The following SLC24A2 variants were observed in gnomAD, a reference collection of about 807,000 sequenced individuals.
The protein encoded by SLC24A2 is sodium/potassium/calcium exchanger 2.
Under a neutral mutation model 62.0 loss-of-function variants are expected in SLC24A2, and 36 were observed. The observed-to-expected ratio is 0.58, with a 90% CI of 0.44 to 0.77. The LOEUF (loss-of-function observed/expected upper bound fraction) is 0.77, where lower values mean the gene tolerates loss of function less well. Among genes scored for constraint, SLC24A2 ranks in the 30% least tolerant of loss-of-function variants. SLC24A2 has a pLI of 0.00. For synonymous variants in SLC24A2, 358 were observed against 294.0 expected, an observed-to-expected ratio of 1.22 and a Z score of -2.23; for missense variants, 846 against 817.9, an observed-to-expected ratio of 1.03 and a Z score of -0.42.
chr9:20,137,721 T>G, the SLC24A2 span, among the ~76,000 whole-genome samples: 1 of 152,314 alleles, frequency 6.6e-6, no homozygotes, highest in African/African-American at 2.4e-5. Context: ...TTTAGGCTAT[T>G]TTTAGAGCTA....
At chr9:20,097,462 G>A in the SLC24A2 span, among the ~76,000 whole-genome samples, 2 of 152,206 alleles carry the variant, frequency 1.3e-5, no homozygotes, top group East Asian at 3.9e-4. Flanking sequence ...GTAGTTGGAT[G>A]TTGGGAGTCA....
At chr9:20,041,278 T>C in the SLC24A2 span, among the ~76,000 whole-genome samples, 1 of 152,240 alleles carries the variant, frequency 6.6e-6, no homozygotes, top group Admixed American at 6.5e-5. Context: ...TCCAGTGTAA[T>C]CTATGCACAT....
chr9:19,991,394 G>A, the SLC24A2 span, among the ~76,000 whole-genome samples: 1 of 152,138 alleles, frequency 6.6e-6, no homozygotes, highest in African/African-American at 2.4e-5. Flanking sequence ...TTTTATCCTA[G>A]CTGCTGATTA....
intron 2 of SLC24A2, among the ~76,000 whole-genome samples, chr9:19,651,898 T>C (rs770049901): frequency 3.9e-5 from 6 of 152,166 alleles, no homozygotes; most frequent in Non-Finnish European, 8.8e-5. Flanking sequence ...TCAGTTTTCA[T>C]TCCTAGTTTC....
chr9:20,176,555 G>A, the SLC24A2 span, among the ~76,000 whole-genome samples: 1 of 152,048 alleles, frequency 6.6e-6, no homozygotes, highest in Non-Finnish European at 1.5e-5. Context: ...AAAGGGACTG[G>A]AAACAGCAAT....
At chr9:20,278,962 C>A in the SLC24A2 span, among the ~76,000 whole-genome samples, 2 of 152,144 alleles carry the variant, frequency 1.3e-5, no homozygotes. Context: ...CCTCAAGGCA[C>A]TTACAATCAT....
chr9:20,266,340 A>G, the SLC24A2 span, among the ~76,000 whole-genome samples: 7 of 152,082 alleles, frequency 4.6e-5, no homozygotes, highest in African/African-American at 1.7e-4. Flanking sequence ...TTATTTCTCT[A>G]AACGGCTGAT....
the SLC24A2 span, among the ~76,000 whole-genome samples, chr9:20,058,484 G>A: frequency 8.6e-6 from 1 of 116,370 alleles, no homozygotes; most frequent in African/African-American, 3.9e-5. Context: ...ACAAACCCAT[G>A]CCCTTCATAC....
chr9:19,828,554 A>G, the SLC24A2 span, among the ~76,000 whole-genome samples: 2 of 152,224 alleles, frequency 1.3e-5, no homozygotes, highest in African/African-American at 2.4e-5. Context: ...GTACTCTGTG[A>G]GTAAATTCAT....
chr9:19,664,975 C>T (rs554936909), intron 2 of SLC24A2, among the ~76,000 whole-genome samples: 12 of 152,252 alleles, frequency 7.9e-5, no homozygotes, highest in African/African-American at 1.4e-4. Context: ...TAGTTTGTTT[C>T]GGCAGCCCTA....
chr9:19,702,303 G>A (rs1820378827), intron 2 of SLC24A2, among the ~76,000 whole-genome samples: 1 of 152,150 alleles, frequency 6.6e-6, no homozygotes, highest in East Asian at 1.9e-4. Context: ...GAAGAATAAT[G>A]TCTTATGCAA....
chr9:19,812,314 T>A, the SLC24A2 span, among the ~76,000 whole-genome samples: 1 of 152,138 alleles, frequency 6.6e-6, no homozygotes, highest in African/African-American at 2.4e-5. Flanking sequence ...AAATTTATGT[T>A]AAACTTTGTA....
At chr9:19,829,806 TATATACACACAC>T in the SLC24A2 span, among the ~76,000 whole-genome samples, 3,960 of 111,522 alleles carry the variant, frequency 0.036, 191 homozygotes, top group African/African-American at 0.12. Flanking sequence ...TGTATATATA[TATATACACACAC>T]ACACACACAC....
intron 2 of SLC24A2, among the ~76,000 whole-genome samples, chr9:19,646,486 A>T (rs1264715907): frequency 2.0e-5 from 3 of 152,158 alleles, no homozygotes; most frequent in African/African-American, 7.2e-5. Flanking sequence ...TCAAAATATC[A>T]GTGCTGTCAG....
chr9:20,159,859 G>A, the SLC24A2 span, among the ~76,000 whole-genome samples: 1 of 151,442 alleles, frequency 6.6e-6, no homozygotes, highest in Admixed American at 6.6e-5. Flanking sequence ...AATATACAAA[G>A]AAGTCATGCC....
chr9:19,909,007 A>C, the SLC24A2 span, among the ~76,000 whole-genome samples: 1 of 152,224 alleles, frequency 6.6e-6, no homozygotes, highest in Admixed American at 6.5e-5. Context: ...ATTATAAATC[A>C]TGCTGCTATA....
At chr9:19,746,137 T>C (rs1821826760) in intron 2 of SLC24A2, among the ~76,000 whole-genome samples, 1 of 152,136 alleles carries the variant, frequency 6.6e-6, no homozygotes, top group East Asian at 1.9e-4. Context: ...CAAGTGCATG[T>C]GAGTGCAGAT....
intron 2 of SLC24A2, among the ~76,000 whole-genome samples, chr9:19,743,535 A>G (rs889996550): frequency 6.6e-6 from 1 of 152,108 alleles, no homozygotes; most frequent in African/African-American, 2.4e-5. Flanking sequence ...TGGGCAGAGG[A>G]GTGTAGCCCA....
chr9:19,855,696 C>T, the SLC24A2 span, among the ~76,000 whole-genome samples: 1 of 152,048 alleles, frequency 6.6e-6, no homozygotes, highest in South Asian at 2.1e-4. Context: ...AGGTGTCCTG[C>T]CTTTCTCTCT....
Sources: gnomAD v4.1 joint callset for allele counts (sites outside exome capture counted in the v4.1 genomes callset) on GRCh38, gnomAD v4.1.1 for gene constraint, MANE v1.5 for transcripts, NCBI Gene and HGNC (gene_info 2026-07-23, HGNC 2026-07-21) for gene names.